Variants in RABGAP1L observed in about 807,000 individuals in gnomAD.
The protein encoded by RABGAP1L is RAB GTPase activating protein 1 like, also known as rab GTPase-activating protein 1-like.
RABGAP1L carries 63 observed loss-of-function variants against 137.7 expected under a neutral mutation model. The observed-to-expected ratio is 0.46, with a 90% CI of 0.37 to 0.56. The LOEUF is 0.56. Ranked by LOEUF, RABGAP1L falls within the 20% of genes least tolerant of loss-of-function variation. The pLI is 0.00. For synonymous variants in RABGAP1L, 431 were observed against 433.7 expected, an observed-to-expected ratio of 0.99 and a Z score of 0.08; for missense variants, 1,095 against 1,244.0, an observed-to-expected ratio of 0.88 and a Z score of 1.80.
chr1:174,547,859 C>T (rs199836205), intron 13 of RABGAP1L: 1 of 1,538,018 alleles, frequency 6.5e-7, no homozygotes. Context: ...TTTAGTCTTA[C>T]ACCGAGACAG....
At chr1:174,325,192 A>G (rs1175695919) in intron 11 of RABGAP1L, among the ~76,000 whole-genome samples, 2 of 152,198 alleles carry the variant, frequency 1.3e-5, no homozygotes, top group East Asian at 1.9e-4. Flanking sequence ...AGCAAATGCT[A>G]TTTACTCTGC....
intron 11 of RABGAP1L, among the ~76,000 whole-genome samples, chr1:174,307,440 A>G (rs1678393996): frequency 6.6e-6 from 1 of 152,144 alleles, no homozygotes; most frequent in South Asian, 2.1e-4. Flanking sequence ...TATTATACCT[A>G]TTAAGCAGTC....
chr1:174,635,743 GT>G (rs1673962804), intron 13 of RABGAP1L, among the ~76,000 whole-genome samples: 1 of 152,112 alleles, frequency 6.6e-6, no homozygotes, highest in African/African-American at 2.4e-5. Context: ...AAATTTGGAA[GT>G]TTTTGGTTTG....
chr1:174,633,549 G>C (rs1673632006), intron 13 of RABGAP1L, among the ~76,000 whole-genome samples: 2 of 147,322 alleles, frequency 1.4e-5, no homozygotes, highest in African/African-American at 2.6e-5. Flanking sequence ...AGTTCATATG[G>C]AACCAAAAAA....
At chr1:174,211,593 C>G (rs889382063) in intron 1 of RABGAP1L, among the ~76,000 whole-genome samples, 1 of 151,930 alleles carries the variant, frequency 6.6e-6, no homozygotes, top group Admixed American at 6.6e-5. Flanking sequence ...TACCAGAAAA[C>G]AAGTAACAGT....
intron 19 of RABGAP1L, among the ~76,000 whole-genome samples, chr1:174,886,311 G>A (rs1655115745): frequency 6.6e-6 from 1 of 152,098 alleles, no homozygotes; most frequent in Admixed American, 6.5e-5. Context: ...CGCGCCTGGC[G>A]AGAAACCAAT....
At chr1:174,663,950 C>T (rs954433927) in intron 14 of RABGAP1L, among the ~76,000 whole-genome samples, 3 of 152,018 alleles carry the variant, frequency 2.0e-5, no homozygotes, top group Non-Finnish European at 2.9e-5. Context: ...TCTAGTGTTT[C>T]TAGGGACTCA....
At chr1:174,574,408 T>G (rs1347687113) in intron 13 of RABGAP1L, among the ~76,000 whole-genome samples, 1 of 152,200 alleles carries the variant, frequency 6.6e-6, no homozygotes, top group African/African-American at 2.4e-5. Flanking sequence ...TGAAGGCTCA[T>G]ATCGATCTTG....
intron 5 of RABGAP1L, chr1:174,246,438 T>C (rs1040554587): frequency 2.0e-5 from 3 of 152,338 alleles, no homozygotes; most frequent in Non-Finnish European, 4.4e-5. Context: ...ATTTCCTTTC[T>C]TGATGTACAG....
At chr1:174,732,071 G>T (rs1018543904) in intron 17 of RABGAP1L, among the ~76,000 whole-genome samples, 1 of 152,090 alleles carries the variant, frequency 6.6e-6, no homozygotes, top group East Asian at 1.9e-4. Flanking sequence ...GTGTTGTGGC[G>T]CGTGCCTGTA....
intron 19 of RABGAP1L, among the ~76,000 whole-genome samples, chr1:174,903,389 A>G (rs950853450): frequency 6.6e-6 from 1 of 152,238 alleles, no homozygotes; most frequent in Non-Finnish European, 1.5e-5. Context: ...GTGATAATAT[A>G]AAGAGAAACT....
chr1:174,285,937 G>C (rs933867985), intron 10 of RABGAP1L, among the ~76,000 whole-genome samples: 1 of 152,098 alleles, frequency 6.6e-6, no homozygotes, highest in African/African-American at 2.4e-5. Flanking sequence ...AATACCATTT[G>C]ATCATGTGTA....
At chr1:174,893,880 A>G (rs1223586957) in intron 19 of RABGAP1L, among the ~76,000 whole-genome samples, 1 of 152,212 alleles carries the variant, frequency 6.6e-6, no homozygotes, top group Non-Finnish European at 1.5e-5. Context: ...CTTTGAGTAT[A>G]CAAATTAATA....
At chr1:174,936,961 T>G (rs1664899659) in intron 19 of RABGAP1L, among the ~76,000 whole-genome samples, 1 of 149,424 alleles carries the variant, frequency 6.7e-6, no homozygotes, top group South Asian at 2.1e-4. Context: ...CCATAATTTT[T>G]ATAAGATTAA....
rs570318306 is a variant in RABGAP1L at position 174,209,259 on chromosome 1, G to A, written c.-33-9866G>A. On this transcript the variant is annotated intron_variant, in intron 1 of 25. Coordinates refer to ENST00000681986, the MANE Select transcript of RABGAP1L (RefSeq NM_001366446.1). ...GACCAGTATCAGTCTGTGGCCTGGGGGTTGGGGATGAGGTAGAGCACAAAG... is the reference window on the plus strand; with the variant it reads ...GACCAGTATCAGTCTGTGGCCTGGGAGTTGGGGATGAGGTAGAGCACAAAG... Among the ~76,000 whole-genome samples the A allele has an allele frequency of 6.6e-5, 10 of 152,254 alleles. No individual in the cohort carries two copies. The East Asian group carries it at 1.7e-3, about 26-fold the overall frequency.
At chr1:174,338,630 T>G (rs16846859) in intron 11 of RABGAP1L, among the ~76,000 whole-genome samples, 9,166 of 151,934 alleles carry the variant, frequency 0.06, 966 homozygotes, top group African/African-American at 0.21. Flanking sequence ...TGATTTCTAT[T>G]ATATTAAATT....
chr1:174,211,017 A>G (rs1340948306), intron 1 of RABGAP1L, among the ~76,000 whole-genome samples: 1 of 152,170 alleles, frequency 6.6e-6, no homozygotes, highest in African/African-American at 2.4e-5. Flanking sequence ...CATGAAGGAG[A>G]AGTAAAGACT....
At chr1:174,278,083 A>G (rs1026820028) in intron 9 of RABGAP1L, among the ~76,000 whole-genome samples, 1 of 152,178 alleles carries the variant, frequency 6.6e-6, no homozygotes, top group African/African-American at 2.4e-5. Flanking sequence ...ACAAAATGGT[A>G]TGGAATGACC....
intron 14 of RABGAP1L, among the ~76,000 whole-genome samples, chr1:174,647,469 T>C (rs1413325754): frequency 6.6e-6 from 1 of 152,164 alleles, no homozygotes; most frequent in Non-Finnish European, 1.5e-5. Context: ...GATAATCATG[T>C]GGTTTTTGTC....
Sources: allele counts gnomAD v4.1 joint callset (sites outside exome capture counted in the v4.1 genomes callset), GRCh38; gene constraint gnomAD v4.1.1; transcripts MANE v1.5; gene names NCBI Gene and HGNC (gene_info 2026-07-23, HGNC 2026-07-21).